The following DAB2IP variants were observed in gnomAD, a reference collection of about 807,000 sequenced individuals.
DAB2IP encodes disabled homolog 2-interacting protein.
In DAB2IP, 28 loss-of-function variants were observed where a neutral mutation model predicts 107.2. The observed-to-expected ratio is 0.26, with a 90% confidence interval of 0.19 to 0.36. The LOEUF is 0.36. Among genes scored for constraint, DAB2IP ranks in the 10% least tolerant of loss-of-function variants. DAB2IP has a pLI of 1.00. For missense variants in DAB2IP, 1,400 were observed against 1,644.7 expected (o/e 0.85, Z 2.57); for synonymous variants, 755 against 706.4 (o/e 1.07, Z -1.09).
chr9:121,610,932 C>T (rs1192042249), intron 1 of DAB2IP, among the ~76,000 whole-genome samples: 2 of 152,070 alleles, frequency 1.3e-5, no homozygotes, highest in African/African-American at 2.4e-5. Context: ...GGCAGGGGCT[C>T]GCTAAGGGAT....
exon 12 of DAB2IP, chr9:121,773,440 C>T: frequency 1.3e-6 from 2 of 1,545,870 alleles, no homozygotes; most frequent in Non-Finnish European, 1.7e-6. Context: ...AGGCAGCAGT[C>T]CTCTTCCTCC....
rs1272269099 is a variant in DAB2IP, at chr9:121,759,871, C to T, written c.616-14C>T. The stretch of plus-strand genomic sequence containing the variant: ...ACCCCCAGCTGACCACCCTGGACCC[C>T]CGTGCACATACAGGACAACAGCCGG... On this transcript the variant is annotated splice_polypyrimidine_tract_variant and intron_variant, in intron 5 of 15. Coordinates refer to ENST00000408936, the Ensembl canonical transcript of DAB2IP. 1 of 1,605,318 alleles carries T rather than the reference C, an allele frequency of 6.2e-7. No individual in the cohort carries two copies. The highest frequency in any genetic ancestry group is 1.3e-5 in the African/African-American group (1 of 74,900).
intron 1 of DAB2IP, among the ~76,000 whole-genome samples, chr9:121,606,776 GTT>G (rs1033556948): frequency 6.9e-6 from 1 of 144,444 alleles, no homozygotes. Flanking sequence ...TTTGTTTTTT[GTT>G]TTTTTTTTTT....
intron 3 of DAB2IP, among the ~76,000 whole-genome samples, chr9:121,706,018 G>A (rs1037010622): frequency 6.6e-6 from 1 of 152,212 alleles, no homozygotes; most frequent in African/African-American, 2.4e-5. Flanking sequence ...TCGGCTTGGT[G>A]ACTCCTTCCA....
At chr9:121,779,927 G>A (rs1835479327) in intron 14 of DAB2IP, among the ~76,000 whole-genome samples, 1 of 152,202 alleles carries the variant, frequency 6.6e-6, no homozygotes, top group Non-Finnish European at 1.5e-5. Context: ...ACTCAGTGAG[G>A]CTGCTGACTC....
intron 3 of DAB2IP, among the ~76,000 whole-genome samples, chr9:121,700,091 C>G (rs1213738270): frequency 6.6e-6 from 1 of 152,200 alleles, no homozygotes; most frequent in East Asian, 1.9e-4. Context: ...CATCTCCTCT[C>G]CAGCCTAGGC....
intron 1 of DAB2IP, among the ~76,000 whole-genome samples, chr9:121,638,903 A>G (rs1014296692): frequency 6.6e-6 from 1 of 152,156 alleles, no homozygotes; most frequent in African/African-American, 2.4e-5. Context: ...CATGTCCTGT[A>G]TCCTAGGAGG....
rs138715471 is a variant in DAB2IP at position 121,733,795 on chromosome 9, G to T, written c.363-23218G>T. Reference sequence around the variant, plus strand: ...GAAATGGGGGCAGGAGGGGAGCCTCGTGGAAGCAAGTGTGTGACTGTGAGA... The same window carrying T: ...GAAATGGGGGCAGGAGGGGAGCCTCTTGGAAGCAAGTGTGTGACTGTGAGA... On this transcript the variant is annotated intron_variant, in intron 3 of 15. Transcript: ENST00000408936. 2.3e-3 allele frequency among the ~76,000 whole-genome samples: 356 copies of T among 152,352 alleles called. 1 individual carries two copies. Among genetic ancestry groups the T allele is most frequent in the Middle Eastern group, 0.01 (3 of 294 alleles).
At chr9:121,733,963 T>C (rs1171258770) in intron 3 of DAB2IP, among the ~76,000 whole-genome samples, 1 of 152,216 alleles carries the variant, frequency 6.6e-6, no homozygotes, top group Non-Finnish European at 1.5e-5. Context: ...TCTGGACTTG[T>C]TCTGTGGCCA....
At chr9:121,577,283 G>C (rs1014618089) in intron 1 of DAB2IP, among the ~76,000 whole-genome samples, 2 of 152,230 alleles carry the variant, frequency 1.3e-5, no homozygotes, top group Admixed American at 1.3e-4. Context: ...GGAGAGTGGG[G>C]GAAGAGGCGG....
rs34167414 is a variant in DAB2IP, at chr9:121,635,906, TG to T, written c.41-42763del. 0.3 allele frequency among the ~76,000 whole-genome samples: 43,944 copies of T among 145,710 alleles called. 6,543 individuals are homozygous for T. The highest frequency in any genetic ancestry group is 0.38 in the South Asian group (1,757 of 4,572). On this transcript the variant is annotated intron_variant, in intron 1 of 16. Transcript: ENST00000259371. This position sits in a 1 kb window ranked among gnomAD's most constrained non-coding sequence, Gnocchi z 4.3. ...CAGTCCCCTGTTTAGATGTCTTTTT[TG>T]GGGGGGGGTCTGGGGGATGGAGTCT... is the stretch of plus-strand genomic sequence containing the variant.
chr9:121,723,186 G>A (rs942836970), intron 3 of DAB2IP, among the ~76,000 whole-genome samples: 7 of 152,344 alleles, frequency 4.6e-5, no homozygotes, highest in African/African-American at 1.7e-4. Flanking sequence ...AAGAGGGCAT[G>A]GTCTTTTCCC....
chr9:121,733,769 A>G (rs778792085), intron 3 of DAB2IP, among the ~76,000 whole-genome samples: 3 of 152,322 alleles, frequency 2.0e-5, no homozygotes, highest in Middle Eastern at 3.4e-3. Context: ...AATGAAAATT[A>G]GAAATGGGGG....
chr9:121,730,513 A>C (rs182854519), intron 3 of DAB2IP, among the ~76,000 whole-genome samples: 4 of 152,316 alleles, frequency 2.6e-5, no homozygotes, highest in Admixed American at 2.6e-4. Flanking sequence ...TTCGCCCAGC[A>C]GGCTGCAGGG....
intron 3 of DAB2IP, among the ~76,000 whole-genome samples, chr9:121,730,847 T>C (rs112617622): frequency 2.8e-4 from 43 of 152,332 alleles, no homozygotes; most frequent in African/African-American, 9.9e-4. Flanking sequence ...TGTCCTGTTG[T>C]AGATGGGTTG....
chr9:121,586,577 G>C (rs1830318370), intron 1 of DAB2IP, among the ~76,000 whole-genome samples: 1 of 152,056 alleles, frequency 6.6e-6, no homozygotes, highest in Non-Finnish European at 1.5e-5. Context: ...TGGCACCTTG[G>C]GAGGCTGAGG....
intron 1 of DAB2IP, among the ~76,000 whole-genome samples, chr9:121,677,839 G>C (rs1192289758): frequency 6.6e-6 from 1 of 152,000 alleles, no homozygotes; most frequent in Non-Finnish European, 1.5e-5. Flanking sequence ...TTTTTGTATT[G>C]TCAGTAGAGA....
At chr9:121,583,855 G>C (rs941970121) in intron 1 of DAB2IP, among the ~76,000 whole-genome samples, 3 of 152,160 alleles carry the variant, frequency 2.0e-5, no homozygotes, top group Non-Finnish European at 4.4e-5. Flanking sequence ...ACCCAGCTTG[G>C]ACTAGAGCAG....
intron 12 of DAB2IP, among the ~76,000 whole-genome samples, chr9:121,773,919 C>CTT: frequency 6.6e-6 from 1 of 152,200 alleles, no homozygotes; most frequent in Non-Finnish European, 1.5e-5. Context: ...CAGGCAGTGT[C>CTT]TGGAGTGGAG....
Sources: gnomAD v4.1 joint callset for allele counts (sites outside exome capture counted in the v4.1 genomes callset) on GRCh38, gnomAD v4.1.1 for gene constraint, Gnocchi (gnomAD v3.1) non-coding constraint, MANE v1.5 for transcripts, NCBI Gene and HGNC (gene_info 2026-07-23, HGNC 2026-07-21) for gene names.